ACOT7: variants seen among roughly 807,000 people sequenced by gnomAD.
ACOT7 encodes acyl-CoA thioesterase 7, also known as cytosolic acyl coenzyme A thioester hydrolase.
Under a neutral mutation model 40.2 loss-of-function variants are expected in ACOT7, and 12 were observed. The ratio of observed to expected loss-of-function variants is 0.30; its 90% CI spans 0.19 to 0.48. The LOEUF is 0.48. Among genes scored for constraint, ACOT7 ranks in the 20% least tolerant of loss-of-function variants. ACOT7 has a pLI of 0.99. For missense variants in ACOT7, 395 were observed against 530.8 expected, an observed-to-expected ratio of 0.74 and a Z score of 2.51; for synonymous variants, 228 against 219.5, an observed-to-expected ratio of 1.04 and a Z score of -0.34.
intron 4 of ACOT7, among the ~76,000 whole-genome samples, chr1:6,329,202 G>C (rs186261097): frequency 1.2e-4 from 18 of 152,336 alleles, no homozygotes; most frequent in Non-Finnish European, 2.1e-4. Flanking sequence ...ATTGTGCAGG[G>C]TCTCAGCACC....
At chr1:6,333,900 G>A (rs905062935) in intron 3 of ACOT7, among the ~76,000 whole-genome samples, 4 of 151,936 alleles carry the variant, frequency 2.6e-5, no homozygotes, top group Non-Finnish European at 1.5e-5. Flanking sequence ...CCCTCCCAAC[G>A]CACCCACTCT....
At chr1:6,348,037 G>C (rs1449496191) in intron 2 of ACOT7, among the ~76,000 whole-genome samples, 1 of 152,008 alleles carries the variant, frequency 6.6e-6, no homozygotes, top group African/African-American at 2.4e-5. Context: ...CTCTGGAAGG[G>C]TGCAACAGGA....
At chr1:6,305,473 G>C (rs866880052) in intron 6 of ACOT7, among the ~76,000 whole-genome samples, 5 of 151,578 alleles carry the variant, frequency 3.3e-5, no homozygotes, top group Non-Finnish European at 4.4e-5. Flanking sequence ...CTTCCCAGAC[G>C]GGGTGGCTGC....
chr1:6,306,334 A>T lies in ACOT7; in HGVS notation c.713-11354T>A. On this transcript the variant is annotated intron_variant, in intron 6 of 8. Transcript: ENST00000361521. This position sits in a 1 kb window ranked among gnomAD's most constrained non-coding sequence, Gnocchi z 4.3. ...ATTTGAGAGGGATGACGTGCTGGCC[A>T]CCAGGGACCCGGCTGAGAGGAGGAC... The T allele has an allele frequency of 1.0e-6, 1 of 985,384 alleles. No homozygotes were observed. The highest frequency in any genetic ancestry group is 1.2e-6 in the Non-Finnish European group (1 of 829,916). 61.0% of individuals were successfully genotyped at this position (985,384 alleles called of 1,614,324 possible).
Position 6,349,789 on chromosome 1 carries a change from C to T in ACOT7, c.221G>A (p.Gly74Asp). ...GTILKMIEEAGAIISTRHCNS... is the reference protein window; with the variant it reads ...GTILKMIEEADAIISTRHCNS... ...GCAATGCCGGGTGCTGATGATGGCG[C>T]CTGCCTCCTCGATCATCTTCAGGAT... The change falls in exon 2 of 9, where the codon GGC becomes GAC. Residue 74 changes from glycine (G) to aspartate (D), a missense_variant. Around this residue, in one of 2 missense-constraint regions of ACOT7, gnomAD observed 309 missense variants for 470.3 expected, o/e 0.66. Transcript: ENST00000361521. 6.2e-7 allele frequency: 1 copy of T among 1,614,096 alleles called. No homozygotes were observed. The highest frequency in any genetic ancestry group is 8.5e-7 in the Non-Finnish European group (1 of 1,180,004).
In ACOT7 at chr1:6,361,283, T is replaced by C. The variant is rs544649718; in HGVS notation, c.144-11417A>G. Among the ~76,000 whole-genome samples, 6 of 152,058 alleles carry C rather than the reference T, an allele frequency of 3.9e-5. No homozygotes were observed. In the South Asian group the frequency reaches 1.2e-3, roughly 32 times the overall value. ...ATATTAAATGTCCACAACAGGCAGATCTACAGAAACAGAAAGTCAGCTGGT... is the reference window on the plus strand; with the variant it reads ...ATATTAAATGTCCACAACAGGCAGACCTACAGAAACAGAAAGTCAGCTGGT... On this transcript the variant is annotated intron_variant, in intron 1 of 8. Transcript: ENST00000361521.
intron 8 of ACOT7, among the ~76,000 whole-genome samples, chr1:6,277,287 C>A (rs1015001745): frequency 2.0e-5 from 3 of 152,212 alleles, no homozygotes; most frequent in Non-Finnish European, 4.4e-5. Flanking sequence ...TGTGCACAGC[C>A]CAGCTGGGGG....
rs985268001 is a variant in ACOT7 at position 6,279,296 on chromosome 1, T to C, written c.1014+1806A>G. 1.8e-4 allele frequency among the ~76,000 whole-genome samples: 26 copies of C among 144,708 alleles called. 1 individual carries two copies. The highest frequency in any genetic ancestry group is 6.5e-4 in the African/African-American group (25 of 38,308). 94.9% of individuals were successfully genotyped at this position (144,708 alleles called of 152,430 possible). On this transcript the variant is annotated intron_variant, in intron 8 of 8. Transcript: ENST00000361521. ...AGGACACCATCCTGCCAAGGGCCGA[T>C]GGGTGGCACGGTGGGCCAGGGCAAG...
chr1:6,344,126 G>C (rs958001986), intron 2 of ACOT7, among the ~76,000 whole-genome samples: 13 of 152,228 alleles, frequency 8.5e-5, no homozygotes, highest in African/African-American at 3.1e-4. Flanking sequence ...GCAGGAGTGG[G>C]GAGGTGGTGG....
chr1:6,392,531 A>G (rs769470800), intron 1 of ACOT7, among the ~76,000 whole-genome samples: 2 of 152,070 alleles, frequency 1.3e-5, no homozygotes, highest in South Asian at 2.1e-4. Context: ...CTATCTACTC[A>G]GTACCTGGTG....
chr1:6,355,217 C>T lies in ACOT7; in HGVS notation c.144-5351G>A, dbSNP rs1384407606. Among the ~76,000 whole-genome samples the T allele has an allele frequency of 1.3e-5, 2 of 152,090 alleles. No homozygotes were observed. The highest frequency in any genetic ancestry group is 4.8e-5 in the African/African-American group (2 of 41,428). On this transcript the variant is annotated intron_variant, in intron 1 of 8. Transcript: ENST00000361521. The surrounding 1 kb of genome is among the most constrained non-coding windows in gnomAD (Gnocchi z 5.0). ...AGGGGAGTGTAAGCGAATACCCACT[C>T]ACAGAGGGCACCCGGCACCACCCAC...
chr1:6,339,243 T>G (rs1384090991), intron 3 of ACOT7, among the ~76,000 whole-genome samples, 190 bp downstream of exon 3: 5 of 152,212 alleles, frequency 3.3e-5, no homozygotes, highest in Admixed American at 3.3e-4. Context: ...CTAACCCCTC[T>G]GTGCCCCTTT....
chr1:6,279,092 G>A (rs1571264213), intron 8 of ACOT7, among the ~76,000 whole-genome samples: 1 of 152,246 alleles, frequency 6.6e-6, no homozygotes, highest in Non-Finnish European at 1.5e-5. Context: ...AGCGGGCCCA[G>A]GTGGGAGTGG....
Position 6,333,380 on chromosome 1 carries a change from C to T in ACOT7, c.510+97G>A. Reference sequence around the variant, plus strand: ...GTGCCCTAGCTCTGGCCTGTTGCTCCCTTGAGACCCTTAGCTGAACGAGCC... The same window carrying T: ...GTGCCCTAGCTCTGGCCTGTTGCTCTCTTGAGACCCTTAGCTGAACGAGCC... On this transcript the variant is annotated intron_variant, in intron 4 of 8. Transcript: ENST00000361521. 2.1e-6 allele frequency: 3 copies of T among 1,399,074 alleles called. No homozygotes were observed. The South Asian group carries it at 3.6e-5, about 17-fold the overall frequency. The allele number at this position is 1,399,074 out of a possible 1,614,324, so 86.7% of individuals were successfully genotyped here.
chr1:6,304,240 T>A (rs191544320), intron 6 of ACOT7, among the ~76,000 whole-genome samples: 1 of 151,462 alleles, frequency 6.6e-6, no homozygotes, highest in Non-Finnish European at 1.5e-5. Flanking sequence ...CAGGGAAATG[T>A]TGTCAGTGGG....
At chr1:6,295,334 G>A in intron 6 of ACOT7, 1 of 181,630 alleles carries the variant, frequency 5.5e-6, no homozygotes, top group South Asian at 1.3e-4. Context: ...GAGGATGTGG[G>A]GGAAACTGGA....
rs1435725909 is a variant in ACOT7, at chr1:6,393,475, T to TCCCCGCGCCGACCCCGC, written c.-93_-77dup. The stretch of plus-strand genomic sequence containing the variant: ...GCGCCGGGGGCAATCGAACGCGGCC[T>TCCCCGCGCCGACCCCGC]CCCCGCGCCGACCCCGCCCCCGCGC... On this transcript the variant is annotated 5_prime_UTR_variant, in exon 1 of 9. Coordinates refer to ENST00000361521, the MANE Select transcript of ACOT7 (RefSeq NM_007274.4). 296 of 1,172,534 alleles carry TCCCCGCGCCGACCCCGC rather than the reference T, an allele frequency of 2.5e-4. 1 individual carries two copies. In the African/African-American group the frequency reaches 4.4e-3, roughly 17 times the overall value. 72.6% of individuals were successfully genotyped at this position (1,172,534 alleles called of 1,614,324 possible). A position where few individuals can be genotyped will look rare whatever the true frequency, so the allele number is the denominator to read the frequency against.
rs962574306 is a variant in ACOT7, at chr1:6,274,985, A to G, written c.1014+6117T>C. ...CAGTGAGCGGCCCCCTTTCCCAGTC[A>G]GTGAAGTCACAGATGGGCCTGCTGG... is the stretch of plus-strand genomic sequence containing the variant. On this transcript the variant is annotated intron_variant, in intron 8 of 8. Transcript: ENST00000361521. The surrounding 1 kb of genome is among the most constrained non-coding windows in gnomAD (Gnocchi z 5.9). Among the ~76,000 whole-genome samples, 12 of 152,222 alleles carry G rather than the reference A, an allele frequency of 7.9e-5. No homozygotes were observed. The highest frequency in any genetic ancestry group is 2.7e-4 in the African/African-American group (11 of 41,468).
At chr1:6,305,937 G>A (rs1295078139) in intron 6 of ACOT7, among the ~76,000 whole-genome samples, 8 of 152,028 alleles carry the variant, frequency 5.3e-5, no homozygotes, top group East Asian at 1.9e-4. Context: ...CTGCAATCCC[G>A]GCACCTCGGG....
Sources: allele counts gnomAD v4.1 joint callset (sites outside exome capture counted in the v4.1 genomes callset), GRCh38; gene constraint gnomAD v4.1.1; regional missense constraint gnomAD v4.1.1; non-coding constraint Gnocchi (gnomAD v3.1); transcripts MANE v1.5; gene names NCBI Gene and HGNC (gene_info 2026-07-23, HGNC 2026-07-21).